UBE2R2: variants seen among roughly 807,000 people sequenced by gnomAD.
The protein encoded by UBE2R2 is ubiquitin-conjugating enzyme E2 R2.
In UBE2R2, 1 loss-of-function variant was observed where a neutral mutation model predicts 27.8. The observed-to-expected ratio is 0.04, with a 90% CI of 0.01 to 0.17. The LOEUF is 0.17. Ranked by LOEUF, UBE2R2 falls within the 10% of genes least tolerant of loss-of-function variation. The probability of loss-of-function intolerance (pLI) is 1.00; values close to 1 mark genes in which losing one functional copy is unlikely to be tolerated. For synonymous variants in UBE2R2, 106 were observed against 113.3 expected, an observed-to-expected ratio of 0.94 and a Z score of 0.41; for missense variants, 100 against 291.0, an observed-to-expected ratio of 0.34 and a Z score of 4.78.
chr9:33,817,954 G>C lies in UBE2R2; in HGVS notation c.177+20G>C. On this transcript the variant is annotated intron_variant, in intron 1 of 4. Transcript: ENST00000263228. ...TTCAAGGTACCCTCACCCTCCTCCCGGACCCTGCTTCCGCGGCCGAGGCCT... is the reference window on the plus strand; with the variant it reads ...TTCAAGGTACCCTCACCCTCCTCCCCGACCCTGCTTCCGCGGCCGAGGCCT... 1 of 1,598,576 alleles carries C rather than the reference G, an allele frequency of 6.3e-7. No homozygotes were observed. The highest frequency in any genetic ancestry group is 8.5e-7 in the Non-Finnish European group (1 of 1,172,522).
At chr9:33,844,300 G>A (rs757979839) in intron 1 of UBE2R2, among the ~76,000 whole-genome samples, 18 of 152,162 alleles carry the variant, frequency 1.2e-4, no homozygotes, top group Non-Finnish European at 2.6e-4. Flanking sequence ...CGCCTCCCGG[G>A]TTCAAGCGAT....
intron 3 of UBE2R2, among the ~76,000 whole-genome samples, chr9:33,903,886 C>T (rs1207550429): frequency 6.6e-6 from 1 of 152,248 alleles, no homozygotes; most frequent in African/African-American, 2.4e-5. Flanking sequence ...TTACACCTAA[C>T]ATCTTCACAC....
At chr9:33,888,750 C>G (rs532829186) in intron 2 of UBE2R2, among the ~76,000 whole-genome samples, 3 of 152,310 alleles carry the variant, frequency 2.0e-5, no homozygotes, top group African/African-American at 7.2e-5. Context: ...CTTCTGACCC[C>G]AAGTAATCCA....
intron 1 of UBE2R2, among the ~76,000 whole-genome samples, chr9:33,884,215 T>G (rs1821800784): frequency 6.9e-6 from 1 of 144,274 alleles, no homozygotes; most frequent in African/African-American, 2.6e-5. Flanking sequence ...TCTCTCTCTC[T>G]CTCTCTCTCT....
At chr9:33,847,532 T>C (rs1192916178) in intron 1 of UBE2R2, among the ~76,000 whole-genome samples, 1 of 152,224 alleles carries the variant, frequency 6.6e-6, no homozygotes, top group Non-Finnish European at 1.5e-5. Context: ...GGTGTGGTTT[T>C]CTTTCCTGCC....
At chr9:33,888,479 C>T (rs1821912072) in intron 2 of UBE2R2, among the ~76,000 whole-genome samples, 1 of 152,006 alleles carries the variant, frequency 6.6e-6, no homozygotes, top group Non-Finnish European at 1.5e-5. Flanking sequence ...TACCTTTGCT[C>T]CAGAAACTGA....
chr9:33,829,944 T>C (rs1260645529), intron 1 of UBE2R2, among the ~76,000 whole-genome samples: 1 of 151,428 alleles, frequency 6.6e-6, no homozygotes, highest in Non-Finnish European at 1.5e-5. Flanking sequence ...ACTATAGGCA[T>C]GTGCCACCAC....
chr9:33,910,983 A>T (rs1822470409), intron 3 of UBE2R2, among the ~76,000 whole-genome samples: 1 of 152,182 alleles, frequency 6.6e-6, no homozygotes, highest in Non-Finnish European at 1.5e-5. Flanking sequence ...CAATGCCTGT[A>T]ATCCCAGCTA....
At chr9:33,823,533 G>A (rs992210462) in intron 1 of UBE2R2, among the ~76,000 whole-genome samples, 8 of 151,966 alleles carry the variant, frequency 5.3e-5, no homozygotes, top group Non-Finnish European at 8.8e-5. Flanking sequence ...GTGCCAGCAC[G>A]CCCGGTTAAT....
At chr9:33,907,815 T>G (rs1309053827) in intron 3 of UBE2R2, among the ~76,000 whole-genome samples, 1 of 148,806 alleles carries the variant, frequency 6.7e-6, no homozygotes, top group Non-Finnish European at 1.5e-5. Flanking sequence ...TTGAAATAGT[T>G]TTTTGTTTTG....
chr9:33,825,306 A>T (rs1335962968), intron 1 of UBE2R2, among the ~76,000 whole-genome samples: 2 of 150,604 alleles, frequency 1.3e-5, no homozygotes, highest in African/African-American at 4.9e-5. Flanking sequence ...CAGTGGTACA[A>T]TCTTGGCTCA....
intron 1 of UBE2R2, among the ~76,000 whole-genome samples, chr9:33,864,184 T>C (rs1821309656): frequency 6.6e-6 from 1 of 152,160 alleles, no homozygotes; most frequent in Non-Finnish European, 1.5e-5. Flanking sequence ...GTGTTAAAGA[T>C]ACTTCATCAA....
intron 1 of UBE2R2, 133 bp downstream of exon 1, chr9:33,818,067 C>G (rs1825855872): frequency 1.9e-6 from 2 of 1,048,988 alleles, no homozygotes; most frequent in South Asian, 1.7e-5. Flanking sequence ...GCAGCCCCCT[C>G]CCCCATCCCT....
intron 1 of UBE2R2, among the ~76,000 whole-genome samples, chr9:33,851,016 T>G (rs184666158): frequency 1.3e-5 from 2 of 152,386 alleles, no homozygotes; most frequent in Admixed American, 1.3e-4. Context: ...TTAAACATTT[T>G]GGCCTTCCAG....
At chr9:33,874,853 T>C (rs1821568394) in intron 1 of UBE2R2, among the ~76,000 whole-genome samples, 1 of 151,832 alleles carries the variant, frequency 6.6e-6, no homozygotes, top group Non-Finnish European at 1.5e-5. Flanking sequence ...TTTTGTAGAG[T>C]TGGGGGTCTC....
chr9:33,875,869 A>C (rs1399232566), intron 1 of UBE2R2, among the ~76,000 whole-genome samples: 1 of 152,146 alleles, frequency 6.6e-6, no homozygotes, highest in Non-Finnish European at 1.5e-5. Context: ...AAATCATTAT[A>C]TTGTTCTGTG....
At chr9:33,910,580 C>T (rs1347115178) in intron 3 of UBE2R2, among the ~76,000 whole-genome samples, 1 of 152,232 alleles carries the variant, frequency 6.6e-6, no homozygotes, top group South Asian at 2.1e-4. Flanking sequence ...TGGCATCTAA[C>T]TTGCTCACCA....
intron 1 of UBE2R2, among the ~76,000 whole-genome samples, chr9:33,854,862 G>A (rs1821063507): frequency 6.6e-6 from 1 of 151,740 alleles, no homozygotes; most frequent in African/African-American, 2.4e-5. Flanking sequence ...GGGACTACAG[G>A]CAGGCACCCA....
chr9:33,886,521 G>T (rs1286112931), intron 1 of UBE2R2, among the ~76,000 whole-genome samples: 1 of 152,050 alleles, frequency 6.6e-6, no homozygotes, highest in Non-Finnish European at 1.5e-5. Flanking sequence ...CGGACGTGGT[G>T]GCGTGCACCT....
Sources: allele counts gnomAD v4.1 joint callset (sites outside exome capture counted in the v4.1 genomes callset), GRCh38; gene constraint gnomAD v4.1.1; transcripts MANE v1.5; gene names NCBI Gene and HGNC (gene_info 2026-07-23, HGNC 2026-07-21).